WDPCP: variants seen among roughly 807,000 people sequenced by gnomAD.
WDPCP encodes the protein WD repeat containing planar cell polarity effector, also known as WD repeat-containing and planar cell polarity effector protein fritz homolog.
WDPCP carries 71 observed loss-of-function variants against 93.1 expected under a neutral mutation model. The ratio of observed to expected loss-of-function variants is 0.76; its 90% CI spans 0.63 to 0.93. The LOEUF (loss-of-function observed/expected upper bound fraction) is 0.93. WDPCP is among the 40% of genes least tolerant of loss of function. The probability of loss-of-function intolerance (pLI) is 0.00; values close to 1 mark genes in which losing one functional copy is unlikely to be tolerated. For synonymous variants in WDPCP, 315 were observed against 315.0 expected, an observed-to-expected ratio of 1.00 and a Z score of 0.00; for missense variants, 844 against 887.4, an observed-to-expected ratio of 0.95 and a Z score of 0.62.
chr2:63,427,813 G>T (rs1696434331), intron 9 of WDPCP, among the ~76,000 whole-genome samples: 1 of 152,174 alleles, frequency 6.6e-6, no homozygotes, highest in Non-Finnish European at 1.5e-5. Flanking sequence ...GAATAAACAA[G>T]ATTAATAGAG....
intron 1 of WDPCP, among the ~76,000 whole-genome samples, chr2:63,582,722 G>C (rs189073436): frequency 6.6e-6 from 1 of 152,110 alleles, no homozygotes; most frequent in East Asian, 1.9e-4. Flanking sequence ...AAAGATGATA[G>C]TAGATTTTTA....
intron 14 of WDPCP, among the ~76,000 whole-genome samples, chr2:63,199,642 G>C (rs559804991): frequency 1.3e-5 from 2 of 152,372 alleles, no homozygotes; most frequent in Admixed American, 1.3e-4. Context: ...AGGATGTATG[G>C]AAACGCCTGG....
chr2:63,299,976 A>C (rs1436671513), intron 13 of WDPCP, among the ~76,000 whole-genome samples: 1 of 152,084 alleles, frequency 6.6e-6, no homozygotes, highest in Non-Finnish European at 1.5e-5. Flanking sequence ...CGTGTGCTGT[A>C]AGGAGCAGAT....
At chr2:63,806,549 G>T (rs984484887) in intron 2 of WDPCP, among the ~76,000 whole-genome samples, 75 of 152,138 alleles carry the variant, frequency 4.9e-4, no homozygotes, top group Non-Finnish European at 5.7e-4. Flanking sequence ...AGATCAACCG[G>T]TCTGACCAAA....
chr2:63,417,725 AATTAT>A (rs895470610), intron 9 of WDPCP, among the ~76,000 whole-genome samples: 19 of 148,510 alleles, frequency 1.3e-4, no homozygotes, highest in African/African-American at 3.7e-4. Flanking sequence ...AATGACATCA[AATTAT>A]ATTATATTAA....
chr2:63,726,236 G>T lies in WDPCP; in HGVS notation n.309-75398C>A, dbSNP rs566852924. 3.3e-5 allele frequency among the ~76,000 whole-genome samples: 5 copies of T among 152,264 alleles called. No homozygotes were observed. The South Asian group carries it at 1.0e-3, about 32-fold the overall frequency. ...AGTTGATTTTTGTATATGGTGAAAG[G>T]AAGTGGTCCAGTTTCAATCTTCCAC... On this transcript the variant is annotated intron_variant and non_coding_transcript_variant, in intron 2 of 4. Coordinates refer to the WDPCP transcript ENST00000467687.
At chr2:63,186,774 G>A (rs749237502) in intron 14 of WDPCP, among the ~76,000 whole-genome samples, 1 of 151,082 alleles carries the variant, frequency 6.6e-6, no homozygotes, top group Non-Finnish European at 1.5e-5. Context: ...GAATAAAAGA[G>A]CACTATATGA....
At chr2:63,561,523 T>C (rs549030742) in intron 1 of WDPCP, among the ~76,000 whole-genome samples, 2 of 149,538 alleles carry the variant, frequency 1.3e-5, no homozygotes, top group Non-Finnish European at 3.0e-5. Context: ...AAGCAAAAAT[T>C]GACAAATGGG....
intron 3 of WDPCP, among the ~76,000 whole-genome samples, chr2:63,646,909 G>A (rs1276426438): frequency 1.3e-5 from 2 of 151,974 alleles, no homozygotes; most frequent in African/African-American, 4.8e-5. Flanking sequence ...AATCTGCTTG[G>A]TGTTCTATAA....
rs534012745 is a variant in WDPCP at position 63,263,328 on chromosome 2, G to A, written c.1813-3919C>T. On this transcript the variant is annotated intron_variant, in intron 13 of 17. Coordinates refer to ENST00000272321, the MANE Select transcript of WDPCP (RefSeq NM_015910.7). The stretch of plus-strand genomic sequence containing the variant: ...AATTGCCAATGCAATGGTATTGGAA[G>A]GTGGGGCCCTTAAGAGAGGATTAGG... Among the ~76,000 whole-genome samples, 5 of 152,326 alleles carry A rather than the reference G, an allele frequency of 3.3e-5. No homozygotes were observed. The South Asian group carries it at 1.0e-3, about 32-fold the overall frequency.
intron 13 of WDPCP, among the ~76,000 whole-genome samples, chr2:63,291,016 AT>A (rs1684378624): frequency 6.6e-6 from 1 of 152,026 alleles, no homozygotes; most frequent in Non-Finnish European, 1.5e-5. Flanking sequence ...AGACTATTTG[AT>A]TTTGTTCCAT....
intron 6 of WDPCP, among the ~76,000 whole-genome samples, chr2:63,481,490 C>T (rs1700264857): frequency 4.0e-5 from 6 of 151,888 alleles, no homozygotes; most frequent in Admixed American, 3.9e-4. Context: ...TGGAACCAGC[C>T]CAAATGCCCA....
chr2:63,529,995 TTATAG>T (rs1703701477), intron 1 of WDPCP, among the ~76,000 whole-genome samples: 1 of 152,216 alleles, frequency 6.6e-6, no homozygotes, highest in African/African-American at 2.4e-5. Flanking sequence ...GTAGAGGTGT[TTATAG>T]TATTCTCTGA....
chr2:63,623,604 T>C (rs1293128351), intron 3 of WDPCP, among the ~76,000 whole-genome samples: 2 of 151,970 alleles, frequency 1.3e-5, no homozygotes, highest in African/African-American at 4.8e-5. Flanking sequence ...CATTACATTA[T>C]TGTAAAGGGA....
At chr2:63,621,515 C>A (rs1048992296) in intron 3 of WDPCP, among the ~76,000 whole-genome samples, 1 of 151,896 alleles carries the variant, frequency 6.6e-6, no homozygotes, top group Non-Finnish European at 1.5e-5. Flanking sequence ...CCAATAAATA[C>A]GGGACTATGT....
rs1328172965 is a variant in WDPCP, at chr2:63,346,554, C to T, written c.1748+31832G>A. 5.1e-4 allele frequency among the ~76,000 whole-genome samples: 77 copies of T among 152,240 alleles called. 1 individual carries two copies. The highest frequency in any genetic ancestry group is 5.0e-3 in the Admixed American group (77 of 15,282). The stretch of plus-strand genomic sequence containing the variant: ...CAGGCTGCTCCCAGCCAATCCCCAG[C>T]AGGGATTCTAGGGCAGCTCCCTTTC... On this transcript the variant is annotated intron_variant, in intron 12 of 17. Coordinates refer to ENST00000272321, the MANE Select transcript of WDPCP (RefSeq NM_015910.7).
chr2:63,321,318 A>AGG (rs1308235020), intron 12 of WDPCP, among the ~76,000 whole-genome samples: 15 of 75,540 alleles, frequency 2.0e-4, no homozygotes, highest in Non-Finnish European at 3.5e-4. Context: ...TGTCTCTATT[A>AGG]TCAGAGTATA....
At chr2:63,137,711 C>T (rs1007341086) in intron 17 of WDPCP, among the ~76,000 whole-genome samples, 1 of 152,046 alleles carries the variant, frequency 6.6e-6, no homozygotes, top group African/African-American at 2.4e-5. Context: ...GTCTTTAATC[C>T]ATCTCGAGTT....
At chr2:63,322,338 G>T (rs531094966) in intron 12 of WDPCP, among the ~76,000 whole-genome samples, 53 of 152,368 alleles carry the variant, frequency 3.5e-4, no homozygotes, top group African/African-American at 1.3e-3. Flanking sequence ...ACCTGAGCCA[G>T]CAGTGGCAAC....
Sources: allele counts gnomAD v4.1 joint callset (sites outside exome capture counted in the v4.1 genomes callset), GRCh38; gene constraint gnomAD v4.1.1; transcripts MANE v1.5; gene names NCBI Gene and HGNC (gene_info 2026-07-23, HGNC 2026-07-21).